TMX3: variants seen among roughly 807,000 people sequenced by gnomAD.
The protein encoded by TMX3 is thioredoxin related transmembrane protein 3, also known as protein disulfide-isomerase TMX3.
TMX3 carries 40 observed loss-of-function variants against 64.4 expected under a neutral mutation model. That is an observed-to-expected ratio of 0.62 (90% CI 0.48 to 0.81). The LOEUF is 0.81. Ranked by LOEUF, TMX3 falls within the 30% of genes least tolerant of loss-of-function variation. TMX3 has a pLI of 0.00. For missense variants in TMX3, 497 were observed against 534.5 expected, an observed-to-expected ratio of 0.93 and a Z score of 0.69; for synonymous variants, 189 against 175.7, an observed-to-expected ratio of 1.08 and a Z score of -0.60.
chr18:68,713,970 T>A lies in TMX3; in HGVS notation c.47-70A>T. On this transcript the variant is annotated intron_variant, in intron 1 of 15. Coordinates refer to ENST00000299608, the MANE Select transcript of TMX3 (RefSeq NM_019022.5). ...GGCTCATACCGTATAAGCTTAGTCA[T>A]CTCTGAAGTGTTTTTGACCTTTCAC... The A allele has an allele frequency of 4.4e-6, 5 of 1,140,888 alleles. 1 individual carries two copies. In the South Asian group the frequency reaches 7.7e-5, roughly 18 times the overall value. 70.7% of individuals were successfully genotyped at this position (1,140,888 alleles called of 1,614,324 possible).
intron 8 of TMX3, among the ~76,000 whole-genome samples, chr18:68,696,018 A>G (rs1264936815): frequency 6.6e-6 from 1 of 152,160 alleles, no homozygotes; most frequent in Admixed American, 6.5e-5. Flanking sequence ...GGCGTATTGT[A>G]TCCACAGATC....
chr18:68,705,275 A>T (rs749549253), intron 4 of TMX3, among the ~76,000 whole-genome samples: 7 of 152,164 alleles, frequency 4.6e-5, no homozygotes, highest in Non-Finnish European at 7.4e-5. Flanking sequence ...CAATAGTGCA[A>T]GGCTGATAAA....
intron 9 of TMX3, among the ~76,000 whole-genome samples, chr18:68,688,231 A>G (rs1568184398): frequency 1.3e-5 from 2 of 152,166 alleles, no homozygotes; most frequent in African/African-American, 4.8e-5. Context: ...CCCTGAATCA[A>G]TGGTTATACT....
In TMX3 at chr18:68,673,798, ATAGAT is replaced by A. The variant is rs1912710733; in HGVS notation, c.*3130_*3134del. 1 of 152,184 alleles carries A rather than the reference ATAGAT, an allele frequency of 6.6e-6. No homozygotes were observed. Among genetic ancestry groups the A allele is most frequent in the Admixed American group, 6.6e-5 (1 of 15,264 alleles). 9.4% of individuals were successfully genotyped at this position (152,184 alleles called of 1,614,324 possible). A position where few individuals can be genotyped will look rare whatever the true frequency, so the allele number is the denominator to read the frequency against. ...GTAATGCAGACTTTCAAAAACCTCT[ATAGAT>A]TAGTCCAAAGTAGAAAATTATTTTT... On this transcript the variant is annotated 3_prime_UTR_variant, in exon 16 of 16. Coordinates refer to ENST00000299608, the MANE Select transcript of TMX3 (RefSeq NM_019022.5).
At position 68,701,795 on chromosome 18, in the gene TMX3, A is replaced by G. The variant is rs941619926; in HGVS notation, c.266-5T>C. On this transcript the variant is annotated splice_polypyrimidine_tract_variant and splice_region_variant and intron_variant, in intron 4 of 15. Transcript: ENST00000299608. The stretch of plus-strand genomic sequence containing the variant: ...CTCCAAACTCTGAAGCAATGCCTTG[A>G]TAAGAAAAAGAATAAAGCATTCTAA... 25 of 1,610,170 alleles carry G rather than the reference A, an allele frequency of 1.6e-5. No individual in the cohort carries two copies. The highest frequency in any genetic ancestry group is 2.0e-5 in the Non-Finnish European group (23 of 1,178,712).
At chr18:68,683,054 T>G in intron 12 of TMX3, 73 bp from the exon 13 acceptor site, 1 of 1,350,446 alleles carries the variant, frequency 7.4e-7, no homozygotes, top group Non-Finnish European at 1.0e-6. Flanking sequence ...GAAAGCTCAT[T>G]AAATAGTAAA....
intron 4 of TMX3, among the ~76,000 whole-genome samples, chr18:68,704,314 A>C (rs1266142914): frequency 6.6e-6 from 1 of 152,218 alleles, no homozygotes; most frequent in Non-Finnish European, 1.5e-5. Context: ...GCACCTCAAA[A>C]CAAATTTGTG....
rs1412448199 is a variant in TMX3, at chr18:68,675,072, T to C, written c.*1861A>G. On this transcript the variant is annotated 3_prime_UTR_variant, in exon 16 of 16. Transcript: ENST00000299608. The stretch of plus-strand genomic sequence containing the variant: ...TGAAAAAATTCAGTGACATTTTCTA[T>C]AACTATTTCCCCATGTCACTGACTG... 6.6e-6 allele frequency: 1 copy of C among 152,140 alleles called. No individual in the cohort carries two copies. The highest frequency in any genetic ancestry group is 1.5e-5 in the Non-Finnish European group (1 of 67,990). The allele number at this position is 152,140 out of a possible 1,614,324, so 9.4% of individuals were successfully genotyped here.
At chr18:68,685,393 T>G (rs981036036) in intron 10 of TMX3, among the ~76,000 whole-genome samples, 9 of 152,214 alleles carry the variant, frequency 5.9e-5, no homozygotes, top group Admixed American at 2.6e-4. Context: ...GTCTAAATTC[T>G]ACACAACCTT....
At chr18:68,699,429 G>T (rs1915457235) in intron 6 of TMX3, among the ~76,000 whole-genome samples, 1 of 151,952 alleles carries the variant, frequency 6.6e-6, no homozygotes, top group Non-Finnish European at 1.5e-5. Context: ...ATTCACAAAG[G>T]AAATCAAATG....
intron 12 of TMX3, 121 bp downstream of exon 12, chr18:68,684,069 T>C (rs1402494489): frequency 9.2e-6 from 7 of 763,712 alleles, no homozygotes; most frequent in Non-Finnish European, 1.5e-5. Flanking sequence ...AGGATTACTG[T>C]TATTTAACTT....
chr18:68,715,005 G>A lies in TMX3; in HGVS notation c.-24C>T, dbSNP rs774643124. 5.1e-6 allele frequency: 8 copies of A among 1,561,654 alleles called. No homozygotes were observed. Among genetic ancestry groups the A allele is most frequent in the South Asian group, 3.5e-5 (3 of 84,708 alleles). On this transcript the variant is annotated 5_prime_UTR_variant, in exon 1 of 16. Coordinates refer to ENST00000299608, the MANE Select transcript of TMX3 (RefSeq NM_019022.5). The stretch of plus-strand genomic sequence containing the variant: ...ATGCTAGCCCGGGAGAGCTGCAGAA[G>A]CTGACTGTGCAAAAGAGGGATAAAG...
intron 9 of TMX3, among the ~76,000 whole-genome samples, chr18:68,690,838 T>C (rs928209875): frequency 6.6e-6 from 1 of 152,190 alleles, no homozygotes; most frequent in Admixed American, 6.5e-5. Flanking sequence ...GACCAAGCAT[T>C]ATGCGTCAAT....
At chr18:68,683,305 T>C (rs900375132) in intron 12 of TMX3, among the ~76,000 whole-genome samples, 2 of 152,046 alleles carry the variant, frequency 1.3e-5, no homozygotes, top group African/African-American at 4.8e-5. Context: ...TCCTATTTTC[T>C]CTAAAAAAAG....
At chr18:68,710,513 A>C (rs2031168925) in intron 3 of TMX3, among the ~76,000 whole-genome samples, 1 of 152,072 alleles carries the variant, frequency 6.6e-6, no homozygotes, top group Non-Finnish European at 1.5e-5. Flanking sequence ...CTAATTGTTA[A>C]TGATAATATC....
intron 8 of TMX3, among the ~76,000 whole-genome samples, chr18:68,696,726 C>A (rs1291186708): frequency 6.6e-6 from 1 of 152,138 alleles, no homozygotes; most frequent in Non-Finnish European, 1.5e-5. Context: ...ATCTACCTGT[C>A]TAGGCCTCCC....
Position 68,713,795 on chromosome 18 carries a change from T to A in TMX3, c.101+51A>T, listed in dbSNP as rs2031570603. On this transcript the variant is annotated intron_variant, in intron 2 of 15. Coordinates refer to ENST00000299608, the MANE Select transcript of TMX3 (RefSeq NM_019022.5). ...AGAATCACATGCAAATATTCAGATA[T>A]CTGAGTTGGACAGTTAAAATAATAT... The A allele has an allele frequency of 4.4e-6, 4 of 905,974 alleles. No homozygotes were observed. The Admixed American group carries it at 1.4e-4, about 31-fold the overall frequency. The allele number at this position is 905,974 out of a possible 1,614,324, so 56.1% of individuals were successfully genotyped here.
In TMX3 at chr18:68,674,285, A is replaced by G. The variant is rs1912753531; in HGVS notation, c.*2648T>C. On this transcript the variant is annotated 3_prime_UTR_variant, in exon 16 of 16. Transcript: ENST00000299608. ...GTAGCTGAGAAAAATATTGATGCACATAATGAAACAAAAAGAATTGCCAGA... is the reference window on the plus strand; with the variant it reads ...GTAGCTGAGAAAAATATTGATGCACGTAATGAAACAAAAAGAATTGCCAGA... The G allele has an allele frequency of 6.6e-6, 1 of 152,188 alleles. No individual in the cohort carries two copies. The highest frequency in any genetic ancestry group is 1.5e-5 in the Non-Finnish European group (1 of 68,002). The allele number at this position is 152,188 out of a possible 1,614,324, so 9.4% of individuals were successfully genotyped here. A position where few individuals can be genotyped will look rare whatever the true frequency, so the allele number is the denominator to read the frequency against.
Position 68,710,015 on chromosome 18 carries a change from G to C in TMX3, c.265+6C>G, listed in dbSNP as rs1341103875. ...CAGTAAAATAATAAACTAAGTGAAG[G>C]CTTACTAGAATAGGAAGTAGCATCC... On this transcript the variant is annotated splice_donor_region_variant and intron_variant, in intron 4 of 15. Coordinates refer to ENST00000299608, the MANE Select transcript of TMX3 (RefSeq NM_019022.5). 6.3e-6 allele frequency: 10 copies of C among 1,580,402 alleles called. No homozygotes were observed. Among genetic ancestry groups the C allele is most frequent in the South Asian group, 1.2e-5 (1 of 84,432 alleles).
Sources: allele counts gnomAD v4.1 joint callset (sites outside exome capture counted in the v4.1 genomes callset), GRCh38; gene constraint gnomAD v4.1.1; transcripts MANE v1.5; gene names NCBI Gene and HGNC (gene_info 2026-07-23, HGNC 2026-07-21).